Variants in DIXDC1 observed in about 807,000 individuals in gnomAD.
DIXDC1 encodes dixin.
Under a neutral mutation model 103.1 loss-of-function variants are expected in DIXDC1, and 64 were observed. The observed-to-expected ratio is 0.62, with a 90% CI of 0.51 to 0.76. The LOEUF (loss-of-function observed/expected upper bound fraction) is 0.76. Among genes scored for constraint, DIXDC1 ranks in the 30% least tolerant of loss-of-function variants. The pLI is 0.00. For synonymous variants in DIXDC1, 266 were observed against 298.5 expected, an observed-to-expected ratio of 0.89 and a Z score of 1.12; for missense variants, 759 against 834.2, an observed-to-expected ratio of 0.91 and a Z score of 1.11.
chr11:111,993,207 A>G (rs1391803948), intron 12 of DIXDC1, among the ~76,000 whole-genome samples: 1 of 152,162 alleles, frequency 6.6e-6, no homozygotes, highest in Non-Finnish European at 1.5e-5. Context: ...GAAGGAGTAC[A>G]GGACTAGGGG....
intron 1 of DIXDC1, among the ~76,000 whole-genome samples, chr11:111,960,455 A>G (rs911222923): frequency 6.6e-6 from 1 of 151,216 alleles, no homozygotes; most frequent in Non-Finnish European, 1.5e-5. Context: ...TTAGGTGGGC[A>G]TGGTGGCTGG....
intron 17 of DIXDC1, among the ~76,000 whole-genome samples, chr11:112,008,253 A>G (rs1409593267): frequency 1.3e-5 from 2 of 152,242 alleles, no homozygotes; most frequent in Non-Finnish European, 2.9e-5. Flanking sequence ...CAATTCAACA[A>G]GAAGAGCTAA....
intron 17 of DIXDC1, among the ~76,000 whole-genome samples, chr11:112,006,084 A>G (rs1861228724): frequency 6.6e-6 from 1 of 152,164 alleles, no homozygotes; most frequent in African/African-American, 2.4e-5. Flanking sequence ...TCCTCCCCCA[A>G]ATACTGCGCG....
intron 14 of DIXDC1, among the ~76,000 whole-genome samples, chr11:111,994,656 G>GTA (rs146810100): frequency 6.3e-4 from 95 of 150,734 alleles, no homozygotes; most frequent in African/African-American, 2.2e-3. Flanking sequence ...ATGTGTGTGT[G>GTA]TATATATATA....
chr11:111,974,486 T>C lies in DIXDC1; in HGVS notation c.548+232T>C, dbSNP rs1237775278. On this transcript the variant is annotated intron_variant, in intron 4 of 19. Coordinates refer to ENST00000440460, the MANE Select transcript of DIXDC1 (RefSeq NM_001037954.4). ...TAAAGGAATCTTATGTGTAAGTTTT[T>C]GCTCTGGTGCCCAAAATTTAAATAT... 1.7e-5 allele frequency: 9 copies of C among 543,324 alleles called. No homozygotes were observed. In the African/African-American group the frequency reaches 1.7e-4, roughly 10 times the overall value. The allele number at this position is 543,324 out of a possible 1,614,324, so 33.7% of individuals were successfully genotyped here. A position where few individuals can be genotyped will look rare whatever the true frequency, so the allele number is the denominator to read the frequency against.
At chr11:111,980,227 T>C (rs1331812979) in intron 5 of DIXDC1, among the ~76,000 whole-genome samples, 1 of 152,130 alleles carries the variant, frequency 6.6e-6, no homozygotes, top group Admixed American at 6.5e-5. Flanking sequence ...CACCCTGTAC[T>C]CTCCTTTGTG....
At chr11:111,979,429 G>A (rs1860225709) in intron 5 of DIXDC1, among the ~76,000 whole-genome samples, 1 of 152,176 alleles carries the variant, frequency 6.6e-6, no homozygotes, top group East Asian at 1.9e-4. Context: ...GATAGATTTG[G>A]AAAGAATTCC....
rs1297169761 is a variant in DIXDC1 at position 111,998,683 on chromosome 11, G to A, written c.1756+2537G>A. Among the ~76,000 whole-genome samples the A allele has an allele frequency of 2.6e-5, 4 of 151,906 alleles. No individual in the cohort carries two copies. The highest frequency in any genetic ancestry group is 3.9e-4 in the East Asian group (2 of 5,186). ...CTCAGCCTCCTGATTACAGGCGCCC[G>A]CCACCACGCCCGGCTAATTTTTTGT... On this transcript the variant is annotated intron_variant, in intron 17 of 19. Coordinates refer to ENST00000440460, the MANE Select transcript of DIXDC1 (RefSeq NM_001037954.4). This position sits in a 1 kb window ranked among gnomAD's most constrained non-coding sequence, Gnocchi z 4.1.
intron 3 of DIXDC1, among the ~76,000 whole-genome samples, chr11:111,973,039 A>C (rs587764322): frequency 7.6e-6 from 1 of 130,878 alleles, no homozygotes; most frequent in Non-Finnish European, 1.6e-5. Context: ...AGCCTGGGGG[A>C]AAAAAAAAAA....
intron 17 of DIXDC1, 148 bp downstream of exon 17, chr11:111,996,294 T>C: frequency 3.0e-6 from 2 of 670,440 alleles, no homozygotes; most frequent in Non-Finnish European, 4.9e-6. Flanking sequence ...GCAATTGAGT[T>C]AGTTCTAAGA....
intron 10 of DIXDC1, 25 bp from the exon 11 acceptor site, chr11:111,992,390 A>G: frequency 6.5e-7 from 1 of 1,544,068 alleles, no homozygotes; most frequent in Non-Finnish European, 8.8e-7. Context: ...TGAGACAACA[A>G]TAATTAGTAT....
chr11:111,957,893 C>T (rs1299406264), intron 1 of DIXDC1, among the ~76,000 whole-genome samples: 1 of 152,244 alleles, frequency 6.6e-6, no homozygotes, highest in African/African-American at 2.4e-5. Context: ...GCAGCTGTTG[C>T]CATGATGCCG....
chr11:112,005,910 C>G (rs782818721), intron 17 of DIXDC1, among the ~76,000 whole-genome samples: 1 of 152,194 alleles, frequency 6.6e-6, no homozygotes, highest in East Asian at 1.9e-4. Flanking sequence ...GAGGCCAAGG[C>G]GGGCAGATTA....
rs1161684839 is a variant in DIXDC1, at chr11:111,998,502, C to A, written c.1756+2356C>A. Among the ~76,000 whole-genome samples the A allele has an allele frequency of 1.3e-5, 2 of 152,128 alleles. No individual in the cohort carries two copies. Among genetic ancestry groups the A allele is most frequent in the African/African-American group, 4.8e-5 (2 of 41,418 alleles). Reference sequence around the variant, plus strand: ...TGCCGATAATTTTTATGTTTTATCTCAAATCTCAGTTATTTTCTGAGCTTC... The same window carrying A: ...TGCCGATAATTTTTATGTTTTATCTAAAATCTCAGTTATTTTCTGAGCTTC... On this transcript the variant is annotated intron_variant, in intron 17 of 19. Coordinates refer to ENST00000440460, the MANE Select transcript of DIXDC1 (RefSeq NM_001037954.4). The surrounding 1 kb of genome is among the most constrained non-coding windows in gnomAD (Gnocchi z 4.1).
At chr11:111,984,016 G>A (rs1291983753) in intron 7 of DIXDC1, among the ~76,000 whole-genome samples, 3 of 152,090 alleles carry the variant, frequency 2.0e-5, no homozygotes, top group Non-Finnish European at 4.4e-5. Flanking sequence ...TTAGCTCCCC[G>A]CGGCCCTGGC....
intron 5 of DIXDC1, chr11:111,975,399 A>G (rs587774741): frequency 4.8e-6 from 5 of 1,032,702 alleles, no homozygotes; most frequent in Admixed American, 1.0e-4. Context: ...AAGAGAAGAA[A>G]TTGAGCAGAG....
chr11:111,986,981 T>A (rs1205435388), intron 9 of DIXDC1, 57 bp downstream of exon 9: 3 of 1,420,554 alleles, frequency 2.1e-6, no homozygotes, highest in Admixed American at 2.0e-5. Flanking sequence ...CCAGGCACGG[T>A]GGCTCGCGCC....
chr11:111,990,078 C>T (rs1414314518), intron 10 of DIXDC1, among the ~76,000 whole-genome samples: 2 of 147,710 alleles, frequency 1.4e-5, no homozygotes, highest in Non-Finnish European at 3.0e-5. Context: ...GTGTGAGCCA[C>T]CGCGCCCGGC....
intron 11 of DIXDC1, 115 bp from the exon 12 acceptor site, chr11:111,992,836 C>A: frequency 9.7e-7 from 1 of 1,035,184 alleles, no homozygotes; most frequent in Non-Finnish European, 1.4e-6. Context: ...TACCATCATA[C>A]CCTCTCTGTG....
Sources: gnomAD v4.1 joint callset for allele counts (sites outside exome capture counted in the v4.1 genomes callset) on GRCh38, gnomAD v4.1.1 for gene constraint, Gnocchi (gnomAD v3.1) non-coding constraint, MANE v1.5 for transcripts, NCBI Gene and HGNC (gene_info 2026-07-23, HGNC 2026-07-21) for gene names.